Variants in AGBL4 observed in about 807,000 individuals in gnomAD.
The protein encoded by AGBL4 is AGBL carboxypeptidase 4.
In AGBL4, 58 loss-of-function variants were observed where a neutral mutation model predicts 66.4. The observed-to-expected ratio is 0.87, with a 90% CI of 0.71 to 1.09. AGBL4 has a LOEUF of 1.09. AGBL4 is among the 50% of genes least tolerant of loss of function. The pLI is 0.00. For synonymous variants in AGBL4, 234 were observed against 222.9 expected (o/e 1.05, Z -0.44); for missense variants, 579 against 631.0 (o/e 0.92, Z 0.88).
chr1:49,147,678 C>T (rs774599668), intron 4 of AGBL4, among the ~76,000 whole-genome samples: 4 of 152,104 alleles, frequency 2.6e-5, no homozygotes, highest in Non-Finnish European at 5.9e-5. Context: ...CACACGCATG[C>T]TTGTTTACTT....
intron 2 of AGBL4, among the ~76,000 whole-genome samples, chr1:49,827,839 G>A (rs1645551322): frequency 6.6e-6 from 1 of 152,180 alleles, no homozygotes; most frequent in African/African-American, 2.4e-5. Flanking sequence ...GAGAAATAAA[G>A]TTGGTTCTTG....
At chr1:48,843,574 A>G (rs888205707) in intron 6 of AGBL4, among the ~76,000 whole-genome samples, 16 of 152,316 alleles carry the variant, frequency 1.1e-4, no homozygotes, top group Admixed American at 3.9e-4. Context: ...CAATTATATA[A>G]TATTCAAATT....
At chr1:49,618,827 A>G (rs1645300821) in intron 3 of AGBL4, among the ~76,000 whole-genome samples, 1 of 152,248 alleles carries the variant, frequency 6.6e-6, no homozygotes, top group African/African-American at 2.4e-5. Context: ...TATGCAAATC[A>G]ATAAACGTAA....
At chr1:49,935,172 G>A (rs1653826334) in intron 1 of AGBL4, among the ~76,000 whole-genome samples, 1 of 152,232 alleles carries the variant, frequency 6.6e-6, no homozygotes, top group Non-Finnish European at 1.5e-5. Context: ...CGGCGCTCCA[G>A]GAGATTATAT....
At chr1:48,821,167 C>T (rs1435397791) in intron 6 of AGBL4, among the ~76,000 whole-genome samples, 5 of 152,220 alleles carry the variant, frequency 3.3e-5, no homozygotes, top group Non-Finnish European at 5.9e-5. Flanking sequence ...AGTATAACAT[C>T]TATGAAAAAC....
chr1:48,620,721 A>G (rs77535710), intron 9 of AGBL4, among the ~76,000 whole-genome samples: 2,739 of 152,298 alleles, frequency 0.018, 91 homozygotes, highest in African/African-American at 0.063. Flanking sequence ...TAGCTATTGT[A>G]TATTACTAGG....
chr1:48,591,086 A>ACCCCC (rs1644910461), intron 9 of AGBL4, 101 bp from the exon 10 acceptor site: 3 of 655,648 alleles, frequency 4.6e-6, no homozygotes, highest in Non-Finnish European at 6.5e-6. Flanking sequence ...ACACACACCC[A>ACCCCC]CCCACCCCCC....
In AGBL4 at chr1:49,587,194, C is replaced by T. The variant is rs150756535; in HGVS notation, c.282+110119G>A. ...CCAGGAGGCAGAGGTTGCAGTGAGC[C>T]GAGATTATGCCATTGCACTCCAGCC... On this transcript the variant is annotated intron_variant, in intron 3 of 13. Transcript: ENST00000371839. Among the ~76,000 whole-genome samples, 741 of 150,558 alleles carry T rather than the reference C, an allele frequency of 4.9e-3. 2 individuals carry two copies. The highest frequency in any genetic ancestry group is 8.1e-3 in the Non-Finnish European group (550 of 67,818).
At chr1:49,986,441 TCCAC>T (rs907050234) in intron 1 of AGBL4, among the ~76,000 whole-genome samples, 2 of 152,116 alleles carry the variant, frequency 1.3e-5, no homozygotes, top group African/African-American at 4.8e-5. Context: ...TACTCCGACT[TCCAC>T]CTATTATTTA....
intron 9 of AGBL4, among the ~76,000 whole-genome samples, chr1:48,599,735 T>C (rs1000456426): frequency 6.6e-5 from 10 of 152,196 alleles, no homozygotes; most frequent in Admixed American, 2.0e-4. Flanking sequence ...CCAGCTGGGA[T>C]AGTGGTTAGG....
chr1:48,901,181 C>T (rs1340412464), intron 5 of AGBL4, among the ~76,000 whole-genome samples: 1 of 152,164 alleles, frequency 6.6e-6, no homozygotes, highest in Non-Finnish European at 1.5e-5. Flanking sequence ...TATCACTAGA[C>T]AACTATTAGA....
intron 6 of AGBL4, among the ~76,000 whole-genome samples, chr1:48,787,511 TG>T (rs1222444624): frequency 6.6e-6 from 1 of 152,210 alleles, no homozygotes; most frequent in East Asian, 1.9e-4. Flanking sequence ...TACTTATTAA[TG>T]TCAACCAATA....
Position 49,392,665 on chromosome 1 carries a change from C to T in AGBL4, c.283-146801G>A, listed in dbSNP as rs12088575. On this transcript the variant is annotated intron_variant, in intron 3 of 13. Coordinates refer to ENST00000371839, the MANE Select transcript of AGBL4 (RefSeq NM_032785.4). ...CGAGCCTTGTCACATGCCAATTTCACATGTCAACTAATGTGCAATTTTCAA... is the reference window on the plus strand; with the variant it reads ...CGAGCCTTGTCACATGCCAATTTCATATGTCAACTAATGTGCAATTTTCAA... 2.9e-3 allele frequency among the ~76,000 whole-genome samples: 437 copies of T among 151,912 alleles called. 7 individuals carry two copies. The highest frequency in any genetic ancestry group is 9.9e-3 in the African/African-American group (411 of 41,408).
intron 3 of AGBL4, among the ~76,000 whole-genome samples, chr1:49,352,520 A>G (rs1214945961): frequency 6.6e-6 from 1 of 151,976 alleles, no homozygotes; most frequent in Non-Finnish European, 1.5e-5. Context: ...CAGCAGTTTT[A>G]AAGGCCCCCC....
chr1:49,891,643 G>A (rs1044191986), intron 1 of AGBL4, among the ~76,000 whole-genome samples: 2 of 152,180 alleles, frequency 1.3e-5, no homozygotes, highest in African/African-American at 4.8e-5. Context: ...AATTACGTTG[G>A]TGAAGAAGAG....
At chr1:50,019,252 GAAAAAAAAT>G (rs1662229607) in intron 1 of AGBL4, among the ~76,000 whole-genome samples, 1 of 98,658 alleles carries the variant, frequency 1.0e-5, no homozygotes, top group Non-Finnish European at 2.1e-5. Context: ...ATGCCTTTAG[GAAAAAAAAT>G]ATTCTCTCTC....
At chr1:48,531,514 T>C (rs1643906448), downstream of AGBL4, among the ~76,000 whole-genome samples, 1 of 152,172 alleles carries the variant, frequency 6.6e-6, no homozygotes, top group Non-Finnish European at 1.5e-5. Flanking sequence ...GGGGAGTTCA[T>C]GGTCTTCCAA....
chr1:48,772,657 T>C (rs1644895064), intron 6 of AGBL4, among the ~76,000 whole-genome samples: 1 of 152,142 alleles, frequency 6.6e-6, no homozygotes, highest in Non-Finnish European at 1.5e-5. Context: ...CTACAGAAGG[T>C]TCTAATGAGA....
At chr1:49,379,707 C>A (rs913705851) in intron 3 of AGBL4, among the ~76,000 whole-genome samples, 1 of 152,064 alleles carries the variant, frequency 6.6e-6, no homozygotes, top group Non-Finnish European at 1.5e-5. Flanking sequence ...ATTGAACCAG[C>A]CTTGCATCCC....
Sources: gnomAD v4.1 joint callset for allele counts (sites outside exome capture counted in the v4.1 genomes callset) on GRCh38, gnomAD v4.1.1 for gene constraint, MANE v1.5 for transcripts, NCBI Gene and HGNC (gene_info 2026-07-23, HGNC 2026-07-21) for gene names.